Variants in EXOSC7 observed in about 807,000 individuals in gnomAD.
EXOSC7 encodes the protein exosome complex component RRP42.
Under a neutral mutation model 34.3 loss-of-function variants are expected in EXOSC7, and 25 were observed. That is an observed-to-expected ratio of 0.73 (90% CI 0.53 to 1.02). The LOEUF (loss-of-function observed/expected upper bound fraction) is 1.02. Among genes scored for constraint, EXOSC7 ranks in the 50% least tolerant of loss-of-function variants. EXOSC7 has a pLI of 0.00. For missense variants in EXOSC7, 370 were observed against 368.5 expected, an observed-to-expected ratio of 1.00 and a Z score of -0.03; for synonymous variants, 130 against 143.0, an observed-to-expected ratio of 0.91 and a Z score of 0.65.
chr3:44,998,280 C>T (rs139728404), intron 4 of EXOSC7, among the ~76,000 whole-genome samples: 24 of 152,214 alleles, frequency 1.6e-4, no homozygotes, highest in African/African-American at 5.3e-4. Flanking sequence ...AAGTGATCCA[C>T]CTGCCTCGGC....
intron 3 of EXOSC7, among the ~76,000 whole-genome samples, chr3:44,994,890 TG>T (rs1461219920): frequency 4.0e-5 from 6 of 151,344 alleles, no homozygotes; most frequent in Admixed American, 6.6e-5. Context: ...TGTGTGTGTG[TG>T]TGTGTGTGTG....
At chr3:45,005,757 A>G (rs1707019200) in intron 6 of EXOSC7, among the ~76,000 whole-genome samples, 1 of 152,164 alleles carries the variant, frequency 6.6e-6, no homozygotes, top group Admixed American at 6.5e-5. Context: ...GTGGTTGAGT[A>G]GTGGCAGGGT....
intron 3 of EXOSC7, among the ~76,000 whole-genome samples, chr3:44,995,172 G>A (rs192020690): frequency 6.6e-6 from 1 of 152,114 alleles, no homozygotes; most frequent in African/African-American, 2.4e-5. Context: ...TAGTAGAGAC[G>A]GGGTTTCTAC....
intron 1 of EXOSC7, among the ~76,000 whole-genome samples, chr3:44,980,332 G>A (rs577520831): frequency 6.6e-6 from 1 of 152,288 alleles, no homozygotes; most frequent in African/African-American, 2.4e-5. Flanking sequence ...AATTTGATTG[G>A]TTTCTGTTAG....
chr3:45,001,163 C>G (rs1030953240), intron 4 of EXOSC7, among the ~76,000 whole-genome samples: 4 of 151,904 alleles, frequency 2.6e-5, no homozygotes, highest in East Asian at 3.9e-4. Flanking sequence ...AAAAAAAAAT[C>G]GGTGTCCTGG....
At chr3:44,988,452 A>G (rs1706478677) in intron 1 of EXOSC7, among the ~76,000 whole-genome samples, 1 of 152,188 alleles carries the variant, frequency 6.6e-6, no homozygotes, top group African/African-American at 2.4e-5. Flanking sequence ...GAGTCAGCAA[A>G]CTTCCTGTAA....
chr3:45,008,105 A>G (rs547689641), intron 7 of EXOSC7, among the ~76,000 whole-genome samples: 4 of 152,306 alleles, frequency 2.6e-5, no homozygotes, highest in Admixed American at 2.6e-4. Context: ...TCCCTAGCAG[A>G]GCCATCAAGG....
At chr3:45,003,657 G>A (rs1706948685) in intron 5 of EXOSC7, among the ~76,000 whole-genome samples, 1 of 152,132 alleles carries the variant, frequency 6.6e-6, no homozygotes, top group East Asian at 1.9e-4. Context: ...ACCCAGCCTG[G>A]AGTGAATTGA....
intron 7 of EXOSC7, among the ~76,000 whole-genome samples, chr3:45,007,981 C>T (rs898789938): frequency 2.6e-5 from 4 of 152,162 alleles, no homozygotes; most frequent in African/African-American, 9.7e-5. Flanking sequence ...GGTGGAAGCA[C>T]GGGCTGAACT....
Position 44,976,260 on chromosome 3 carries a change from G to T in EXOSC7, c.-18G>T, listed in dbSNP as rs762547013. On this transcript the variant is annotated 5_prime_UTR_variant, in exon 1 of 8. Transcript: ENST00000265564. Reference sequence around the variant, plus strand: ...GACGCGCGCAGATGACGTGCGGCTCGTGGGGCAGCTCGGCAGCATGGCGTC... The same window carrying T: ...GACGCGCGCAGATGACGTGCGGCTCTTGGGGCAGCTCGGCAGCATGGCGTC... 8 of 1,544,456 alleles carry T rather than the reference G, an allele frequency of 5.2e-6. No individual in the cohort carries two copies. In the South Asian group the frequency reaches 8.4e-5, roughly 16 times the overall value.
At chr3:44,985,014 G>A (rs1040569266) in intron 1 of EXOSC7, among the ~76,000 whole-genome samples, 3 of 152,180 alleles carry the variant, frequency 2.0e-5, no homozygotes, top group Non-Finnish European at 2.9e-5. Flanking sequence ...TGTTCCTAAT[G>A]ATTGTTCATA....
chr3:44,997,780 A>G (rs563500873), intron 4 of EXOSC7, among the ~76,000 whole-genome samples: 85 of 152,320 alleles, frequency 5.6e-4, no homozygotes, highest in African/African-American at 1.7e-3. Flanking sequence ...CCAGGTCTGT[A>G]TGATGTGAAC....
chr3:44,994,929 A>T (rs1366162161), intron 3 of EXOSC7, among the ~76,000 whole-genome samples: 1 of 151,056 alleles, frequency 6.6e-6, no homozygotes, highest in Admixed American at 6.6e-5. Flanking sequence ...AAAAATAGGT[A>T]AAAATTTCCA....
chr3:44,994,717 C>A (rs1055268839), intron 3 of EXOSC7, among the ~76,000 whole-genome samples: 3 of 152,080 alleles, frequency 2.0e-5, no homozygotes, highest in African/African-American at 7.2e-5. Flanking sequence ...CCACCCTGAA[C>A]AATTGCTTTC....
chr3:45,003,725 A>T (rs554050507), intron 5 of EXOSC7, among the ~76,000 whole-genome samples: 1 of 152,196 alleles, frequency 6.6e-6, no homozygotes, highest in African/African-American at 2.4e-5. Flanking sequence ...TGTTGCCAGC[A>T]CCCCAGAAGC....
intron 4 of EXOSC7, among the ~76,000 whole-genome samples, chr3:44,998,031 G>GTTTTTTTTTTTTTTTTTTTTTTTTT (rs200353427): frequency 7.0e-6 from 1 of 142,778 alleles, no homozygotes; most frequent in Non-Finnish European, 1.5e-5. Flanking sequence ...ATTTTTTTTT[G>GTTTTTTTTTTTTTTTTTTTTTTTTT]TTTTTTTGTT....
intron 5 of EXOSC7, 136 bp downstream of exon 5, chr3:45,001,744 C>G: frequency 1.5e-6 from 1 of 663,494 alleles, no homozygotes; most frequent in East Asian, 2.6e-5. Flanking sequence ...ATGGTGACAT[C>G]TAACGTTAAA....
intron 5 of EXOSC7, chr3:45,004,565 T>TG (rs889978447): frequency 2.6e-5 from 4 of 151,344 alleles, no homozygotes; most frequent in East Asian, 1.9e-4. Context: ...GTTTTTTTTT[T>TG]TTTGTTTTTT....
At chr3:44,994,856 G>GGGGTGTGTGTGTGT (rs1313160149) in intron 3 of EXOSC7, among the ~76,000 whole-genome samples, 1 of 134,864 alleles carries the variant, frequency 7.4e-6, no homozygotes, top group African/African-American at 2.8e-5. Flanking sequence ...TGGAAGAATG[G>GGGGTGTGTGTGTGT]GTGTGTGTGT....
Sources: gnomAD v4.1 joint callset for allele counts (sites outside exome capture counted in the v4.1 genomes callset) on GRCh38, gnomAD v4.1.1 for gene constraint, MANE v1.5 for transcripts, NCBI Gene and HGNC (gene_info 2026-07-23, HGNC 2026-07-21) for gene names.